MAGI2: variants seen among roughly 807,000 people sequenced by gnomAD.
MAGI2 encodes membrane-associated guanylate kinase, WW and PDZ domain-containing protein 2.
In MAGI2, 35 loss-of-function variants were observed where a neutral mutation model predicts 133.3. The observed-to-expected ratio is 0.26, with a 90% CI of 0.20 to 0.35. The LOEUF is 0.35. Ranked by LOEUF, MAGI2 falls within the 10% of genes least tolerant of loss-of-function variation. The pLI is 1.00. For missense variants in MAGI2, 1,636 were observed against 1,863.4 expected (o/e 0.88, Z 2.25); for synonymous variants, 729 against 710.6 (o/e 1.03, Z -0.41).
intron 2 of MAGI2, among the ~76,000 whole-genome samples, chr7:78,882,969 C>A (rs1460966536): frequency 2.6e-5 from 4 of 152,130 alleles, no homozygotes; most frequent in Admixed American, 1.3e-4. Flanking sequence ...CCCACTCTCA[C>A]TACTTCTATT....
intron 1 of MAGI2, among the ~76,000 whole-genome samples, chr7:79,057,960 GTT>G (rs34071701): frequency 3.4e-5 from 5 of 145,824 alleles, no homozygotes; most frequent in Non-Finnish European, 6.1e-5. Context: ...GGCTCTATTA[GTT>G]TTTTTTTTTT....
At chr7:78,154,019 A>C (rs1178427862) in intron 16 of MAGI2, among the ~76,000 whole-genome samples, 1 of 152,184 alleles carries the variant, frequency 6.6e-6, no homozygotes, top group African/African-American at 2.4e-5. Context: ...TTCAATGATT[A>C]TTCAGTGTTT....
At chr7:78,649,222 T>TAAGAAAAAAAAAAAAAAAAAAAA (rs1811239512) in intron 2 of MAGI2, among the ~76,000 whole-genome samples, 3 of 45,044 alleles carry the variant, frequency 6.7e-5, no homozygotes, top group Non-Finnish European at 7.7e-5. Flanking sequence ...TGACTTGTGG[T>TAAGAAAAAAAAAAAAAAAAAAAA]AAAAAAAAAA....
intron 10 of MAGI2, among the ~76,000 whole-genome samples, chr7:78,205,334 G>C (rs969267752): frequency 6.6e-6 from 1 of 152,014 alleles, no homozygotes; most frequent in Non-Finnish European, 1.5e-5. Flanking sequence ...GTTTCCCCAT[G>C]GTGGTCAGGC....
In MAGI2 at chr7:78,445,152, A is replaced by G. The variant is rs988013916; in HGVS notation, c.1045+44609T>C. 5.3e-5 allele frequency among the ~76,000 whole-genome samples: 8 copies of G among 151,818 alleles called. No individual in the cohort carries two copies. In the South Asian group the frequency reaches 8.3e-4, roughly 16 times the overall value. On this transcript the variant is annotated intron_variant, in intron 6 of 21. Transcript: ENST00000354212. ...ATCAGACCTAACGGCTCTAGCTTAC[A>G]CTTTAGTCACGTCTAGTGAATAATC...
intron 2 of MAGI2, among the ~76,000 whole-genome samples, chr7:78,834,276 G>C (rs1026265846): frequency 1.3e-5 from 2 of 152,062 alleles, no homozygotes; most frequent in African/African-American, 4.8e-5. Context: ...ACAAGTTTGG[G>C]TTACCATAAC....
intron 9 of MAGI2, among the ~76,000 whole-genome samples, chr7:78,262,946 A>G (rs1793652720): frequency 6.6e-6 from 1 of 152,110 alleles, no homozygotes; most frequent in South Asian, 2.1e-4. Context: ...ATAGTGCCCA[A>G]TAGGGAGGTT....
intron 1 of MAGI2, among the ~76,000 whole-genome samples, chr7:79,376,306 T>C (rs190660537): frequency 6.6e-6 from 1 of 151,962 alleles, no homozygotes; most frequent in East Asian, 1.9e-4. Context: ...ATTATAACAA[T>C]ACACTGTAAG....
chr7:78,629,566 A>T (rs1383090881), intron 2 of MAGI2, among the ~76,000 whole-genome samples: 1 of 152,164 alleles, frequency 6.6e-6, no homozygotes, highest in Non-Finnish European at 1.5e-5. Context: ...CCCCACTCAT[A>T]ATTAACCCCC....
At chr7:78,844,901 G>A (rs1584121186) in intron 2 of MAGI2, among the ~76,000 whole-genome samples, 1 of 151,948 alleles carries the variant, frequency 6.6e-6, no homozygotes, top group Non-Finnish European at 1.5e-5. Context: ...AAGAAGTAGA[G>A]AATCATATTG....
intron 2 of MAGI2, among the ~76,000 whole-genome samples, chr7:78,730,115 A>G (rs917905670): frequency 1.3e-5 from 2 of 152,154 alleles, no homozygotes; most frequent in African/African-American, 4.8e-5. Flanking sequence ...AAAGCTAGAA[A>G]TGTTTATTAT....
At chr7:79,390,619 C>A (rs887695807) in intron 1 of MAGI2, among the ~76,000 whole-genome samples, 1 of 152,078 alleles carries the variant, frequency 6.6e-6, no homozygotes, top group Non-Finnish European at 1.5e-5. Flanking sequence ...AAGAAATTGT[C>A]TTTCTGCAAT....
chr7:78,057,686 C>A (rs1244831587), intron 21 of MAGI2, among the ~76,000 whole-genome samples: 4 of 151,928 alleles, frequency 2.6e-5, no homozygotes, highest in Admixed American at 2.6e-4. Flanking sequence ...CTAGCCAGAG[C>A]TTTTTTACAT....
At chr7:78,340,154 G>A (rs532269752) in intron 9 of MAGI2, among the ~76,000 whole-genome samples, 8 of 152,212 alleles carry the variant, frequency 5.3e-5, no homozygotes, top group African/African-American at 1.7e-4. Context: ...AACTGATTGA[G>A]TTTATAAAGT....
chr7:78,053,843 A>G (rs991836062), intron 21 of MAGI2, among the ~76,000 whole-genome samples: 1 of 152,188 alleles, frequency 6.6e-6, no homozygotes, highest in Admixed American at 6.5e-5. Flanking sequence ...ATAGAGGTGA[A>G]AATAATTGAC....
intron 20 of MAGI2, among the ~76,000 whole-genome samples, chr7:78,110,678 T>C (rs1178283960): frequency 6.6e-6 from 1 of 152,174 alleles, no homozygotes; most frequent in African/African-American, 2.4e-5. Flanking sequence ...TTTTGTCAAG[T>C]TGAACCATGC....
At chr7:79,269,472 G>A (rs933581433) in intron 1 of MAGI2, among the ~76,000 whole-genome samples, 5 of 152,066 alleles carry the variant, frequency 3.3e-5, no homozygotes. Flanking sequence ...CTCAGTAAGT[G>A]CTCAATGTTT....
intron 9 of MAGI2, among the ~76,000 whole-genome samples, chr7:78,323,253 C>G (rs114060264): frequency 0.011 from 1,738 of 152,244 alleles, 36 homozygotes; most frequent in African/African-American, 0.039. Context: ...TATTGAACTA[C>G]AAGAAATATC....
intron 15 of MAGI2, among the ~76,000 whole-genome samples, chr7:78,160,975 C>A (rs1419233849): frequency 6.6e-6 from 1 of 152,026 alleles, no homozygotes; most frequent in Non-Finnish European, 1.5e-5. Context: ...TGTATATCAG[C>A]CATATCACAA....
Sources: gnomAD v4.1 joint callset for allele counts (sites outside exome capture counted in the v4.1 genomes callset) on GRCh38, gnomAD v4.1.1 for gene constraint, MANE v1.5 for transcripts, NCBI Gene and HGNC (gene_info 2026-07-23, HGNC 2026-07-21) for gene names.